Variants in ABHD2 observed in about 807,000 individuals in gnomAD.
ABHD2 encodes the protein abhydrolase domain containing 2, acylglycerol lipase.
ABHD2 carries 20 observed loss-of-function variants against 48.1 expected under a neutral mutation model. The ratio of observed to expected loss-of-function variants is 0.42; its 90% CI spans 0.29 to 0.60. The LOEUF is 0.60. Among genes scored for constraint, ABHD2 ranks in the 20% least tolerant of loss-of-function variants. The probability of loss-of-function intolerance (pLI) is 0.24; values close to 1 mark genes in which losing one functional copy is unlikely to be tolerated. For synonymous variants in ABHD2, 209 were observed against 214.2 expected (o/e 0.98, Z 0.21); for missense variants, 405 against 550.9 (o/e 0.74, Z 2.65).
chr15:89,142,545 A>T (rs1322045613), intron 3 of ABHD2, among the ~76,000 whole-genome samples: 1 of 152,154 alleles, frequency 6.6e-6, no homozygotes, highest in Non-Finnish European at 1.5e-5. Flanking sequence ...CTTGCAGCTA[A>T]ATTAGAGCAC....
intron 1 of ABHD2, among the ~76,000 whole-genome samples, chr15:89,108,616 G>C (rs1013458464): frequency 1.3e-5 from 2 of 152,148 alleles, no homozygotes; most frequent in African/African-American, 4.8e-5. Flanking sequence ...CTGTTTGTTC[G>C]TGCTTTCCGC....
upstream of ABHD2, among the ~76,000 whole-genome samples, chr15:89,085,966 T>G (rs1052335185): frequency 6.7e-6 from 1 of 148,968 alleles, no homozygotes; most frequent in African/African-American, 2.6e-5. The surrounding 1 kb of genome is among the most constrained non-coding windows in gnomAD (Gnocchi z 4.2). Context: ...ACCAGAAAAC[T>G]GTGGATCAGA....
At chr15:89,129,470 A>T (rs2050185711) in intron 3 of ABHD2, among the ~76,000 whole-genome samples, 2 of 152,222 alleles carry the variant, frequency 1.3e-5, no homozygotes, top group Non-Finnish European at 2.9e-5. Flanking sequence ...ACAGGTCAGC[A>T]CAATAGCAAC....
At position 89,096,925 on chromosome 15, in the gene ABHD2, C is replaced by T. The variant is rs548381351; in HGVS notation, c.-107+8362C>T. ...GATAAAGGTTTCTTGTTGATATTTG[C>T]GTGACCTAAACTCTTGCCAGAATTG... On this transcript the variant is annotated intron_variant, in intron 1 of 10. Transcript: ENST00000352732. Among the ~76,000 whole-genome samples the T allele has an allele frequency of 1.2e-4, 19 of 152,264 alleles. No homozygotes were observed. The South Asian group carries it at 3.5e-3, about 28-fold the overall frequency.
rs767644116 is a variant in ABHD2 at position 89,188,344 on chromosome 15, G to A, written c.926+41G>A. 12 of 1,585,022 alleles carry A rather than the reference G, an allele frequency of 7.6e-6. No individual in the cohort carries two copies. The highest frequency in any genetic ancestry group is 1.0e-5 in the Non-Finnish European group (12 of 1,155,268). ...CGGGAGAGGGACGCTCTGGGGCAGG[G>A]TGCCAGGCAGGAGGCTGCAGGTCAG... On this transcript the variant is annotated intron_variant, in intron 8 of 10. Coordinates refer to ENST00000352732, the MANE Select transcript of ABHD2 (RefSeq NM_152924.5). The surrounding 1 kb of genome is among the most constrained non-coding windows in gnomAD (Gnocchi z 4.1).
intron 5 of ABHD2, among the ~76,000 whole-genome samples, chr15:89,156,245 C>T (rs62020267): frequency 6.6e-6 from 1 of 151,062 alleles, no homozygotes; most frequent in Non-Finnish European, 1.5e-5. Context: ...CTCAGCCTCC[C>T]AAGTAGCTGG....
Position 89,184,188 on chromosome 15 carries a change from C to CT in ABHD2, c.723-1234dup, listed in dbSNP as rs1219076930. 4.6e-5 allele frequency among the ~76,000 whole-genome samples: 7 copies of CT among 152,188 alleles called. No individual in the cohort carries two copies. Among genetic ancestry groups the CT allele is most frequent in the Admixed American group, 4.6e-4 (7 of 15,270 alleles). ...TTTCATTCTTAACTCCCCACTACCT[C>CT]TTATTTTTTAACCACGACATTGTGG... On this transcript the variant is annotated intron_variant, in intron 6 of 10. Transcript: ENST00000352732. This position sits in a 1 kb window ranked among gnomAD's most constrained non-coding sequence, Gnocchi z 5.1.
rs942159378 is a variant in ABHD2 at position 89,142,768 on chromosome 15, C to T, written c.195-8909C>T. ...CCTTACTTTTCAGCTCATATCGTCA[C>T]ATTTATTGGTCTCAAGTCTCTTGTC... On this transcript the variant is annotated intron_variant, in intron 3 of 10. Transcript: ENST00000352732. Among the ~76,000 whole-genome samples, 9 of 152,094 alleles carry T rather than the reference C, an allele frequency of 5.9e-5. 1 individual carries two copies. Among genetic ancestry groups the T allele is most frequent in the Admixed American group, 5.2e-4 (8 of 15,274 alleles).
At chr15:89,047,647 T>C in the ABHD2 span, among the ~76,000 whole-genome samples, 6 of 151,508 alleles carry the variant, frequency 4.0e-5, no homozygotes, top group East Asian at 5.8e-4. Context: ...TTTACCATTA[T>C]GTAATGGCCT....
chr15:89,178,395 G>T (rs1017999537), intron 6 of ABHD2, among the ~76,000 whole-genome samples: 4 of 152,218 alleles, frequency 2.6e-5, no homozygotes, highest in African/African-American at 9.6e-5. Context: ...GGTGGCAGCT[G>T]CATAAGTGCT....
At chr15:89,079,885 G>T in the ABHD2 span, among the ~76,000 whole-genome samples, 1 of 152,180 alleles carries the variant, frequency 6.6e-6, no homozygotes, top group South Asian at 2.1e-4. The surrounding 1 kb of genome is among the most constrained non-coding windows in gnomAD (Gnocchi z 4.3). Context: ...ACTATATCTC[G>T]CTGGGAGGGC....
intron 3 of ABHD2, among the ~76,000 whole-genome samples, chr15:89,126,267 C>T (rs756422417): frequency 2.0e-5 from 3 of 152,198 alleles, no homozygotes; most frequent in Non-Finnish European, 4.4e-5. Flanking sequence ...CTCTGTGTCA[C>T]CCCTTCCCAG....
At chr15:89,041,224 C>G in the ABHD2 span, 1 of 152,198 alleles carries the variant, frequency 6.6e-6, no homozygotes, top group Non-Finnish European at 1.5e-5. Flanking sequence ...GGTGGAGCAG[C>G]CTCAGCTGAT....
intron 5 of ABHD2, among the ~76,000 whole-genome samples, chr15:89,157,366 C>T (rs1596127442): frequency 6.6e-6 from 1 of 152,288 alleles, no homozygotes; most frequent in Admixed American, 6.5e-5. Context: ...AGGGCACTGT[C>T]TCCTATAAGG....
rs541992479 is a variant in ABHD2, at chr15:89,189,975, A to C, written c.927-1105A>C. On this transcript the variant is annotated intron_variant, in intron 8 of 10. Coordinates refer to ENST00000352732, the MANE Select transcript of ABHD2 (RefSeq NM_152924.5). This position sits in a 1 kb window ranked among gnomAD's most constrained non-coding sequence, Gnocchi z 4.9. Reference sequence around the variant, plus strand: ...TAATACTGGAGGGATGGAACAATGCATTTCCTGCCTGCTGAGACTGCAAAC... The same window carrying C: ...TAATACTGGAGGGATGGAACAATGCCTTTCCTGCCTGCTGAGACTGCAAAC... Among the ~76,000 whole-genome samples, 18 of 152,144 alleles carry C rather than the reference A, an allele frequency of 1.2e-4. No homozygotes were observed. The highest frequency in any genetic ancestry group is 2.4e-4 in the Non-Finnish European group (16 of 68,022).
In ABHD2 at chr15:89,137,630, C is replaced by T. The variant is rs138916537; in HGVS notation, c.195-14047C>T. ...AAACAGTCTCTGCATTGGAATTTTC[C>T]TGTGCAGATCCTGCAATTCAGGAAT... is the stretch of plus-strand genomic sequence containing the variant. On this transcript the variant is annotated intron_variant, in intron 3 of 10. Transcript: ENST00000352732. This position sits in a 1 kb window ranked among gnomAD's most constrained non-coding sequence, Gnocchi z 4.8. Among the ~76,000 whole-genome samples, 227 of 152,278 alleles carry T rather than the reference C, an allele frequency of 1.5e-3. No homozygotes were observed. The highest frequency in any genetic ancestry group is 5.1e-3 in the African/African-American group (210 of 41,554).
intron 3 of ABHD2, among the ~76,000 whole-genome samples, chr15:89,133,897 C>T (rs1281263107): frequency 1.4e-5 from 2 of 141,460 alleles, no homozygotes; most frequent in African/African-American, 2.7e-5. Context: ...AGTGCAGTGG[C>T]GTGATCTCGG....
chr15:89,120,029 A>C lies in ABHD2; in HGVS notation c.194+3508A>C, dbSNP rs899792655. On this transcript the variant is annotated intron_variant, in intron 3 of 10. Transcript: ENST00000352732. The surrounding 1 kb of genome is among the most constrained non-coding windows in gnomAD (Gnocchi z 4.2). ...TAATCCTGACCGCGGGTAGCTGGTT[A>C]TGATGACATGCGCGGAATCAGGACG... 6.6e-6 allele frequency among the ~76,000 whole-genome samples: 1 copy of C among 152,220 alleles called. No individual in the cohort carries two copies. Among genetic ancestry groups the C allele is most frequent in the Non-Finnish European group, 1.5e-5 (1 of 68,036 alleles).
intron 5 of ABHD2, among the ~76,000 whole-genome samples, chr15:89,160,604 G>A (rs2050747782): frequency 6.6e-6 from 1 of 152,008 alleles, no homozygotes; most frequent in African/African-American, 2.4e-5. Context: ...AAACAACTTG[G>A]ATCTCAGTGG....
Sources: gnomAD v4.1 joint callset for allele counts (sites outside exome capture counted in the v4.1 genomes callset) on GRCh38, gnomAD v4.1.1 for gene constraint, Gnocchi (gnomAD v3.1) non-coding constraint, MANE v1.5 for transcripts, NCBI Gene and HGNC (gene_info 2026-07-23, HGNC 2026-07-21) for gene names.